Variants in PRDM1 observed in about 807,000 individuals in gnomAD.
PRDM1 encodes the protein PR domain zinc finger protein 1.
In PRDM1, 13 loss-of-function variants were observed where a neutral mutation model predicts 62.8. That is an observed-to-expected ratio of 0.21 (90% CI 0.13 to 0.33). PRDM1 has a LOEUF of 0.33. PRDM1 is among the 10% of genes least tolerant of loss of function. The pLI, the probability that PRDM1 is intolerant of heterozygous loss-of-function variation, is 1.00. For missense variants in PRDM1, 895 were observed against 1,058.8 expected (o/e 0.85, Z 2.15); for synonymous variants, 396 against 417.6 (o/e 0.95, Z 0.63).
intron 1 of PRDM1, among the ~76,000 whole-genome samples, chr6:106,006,329 C>T (rs1010092782): frequency 2.0e-5 from 3 of 152,174 alleles, no homozygotes; most frequent in Non-Finnish European, 4.4e-5. Flanking sequence ...ATAAACTTTA[C>T]TTTCGTAGTA....
chr6:106,090,419 T>C (rs1035003483), intron 2 of PRDM1, among the ~76,000 whole-genome samples: 2 of 152,236 alleles, frequency 1.3e-5, no homozygotes, highest in Non-Finnish European at 2.9e-5. Flanking sequence ...GAATAGAGGA[T>C]AGTATGTCTT....
chr6:106,035,857 A>G (rs181083957), intron 1 of PRDM1, among the ~76,000 whole-genome samples: 347 of 152,190 alleles, frequency 2.3e-3, no homozygotes, highest in African/African-American at 7.9e-3. Flanking sequence ...AGTTTAATCC[A>G]TTTACATTTA....
At chr6:106,094,914 C>A (rs200319610) in intron 2 of PRDM1, among the ~76,000 whole-genome samples, 1 of 51,136 alleles carries the variant, frequency 2.0e-5, no homozygotes, top group Non-Finnish European at 7.3e-5. Flanking sequence ...AAAACACACA[C>A]ACACACACAC....
chr6:106,067,396 C>A (rs146453944), intron 1 of PRDM1, among the ~76,000 whole-genome samples: 1 of 152,242 alleles, frequency 6.6e-6, no homozygotes, highest in East Asian at 1.9e-4. Flanking sequence ...CCCAGCAATT[C>A]TACTACTAGA....
At position 106,106,359 on chromosome 6, in the gene PRDM1, G is replaced by A. The variant is rs1245281125; in HGVS notation, c.1774-12G>A. On this transcript the variant is annotated splice_polypyrimidine_tract_variant and intron_variant, in intron 5 of 6. Coordinates refer to ENST00000369096, the MANE Select transcript of PRDM1 (RefSeq NM_001198.4). The surrounding 1 kb of genome is among the most constrained non-coding windows in gnomAD (Gnocchi z 4.4). ...CTTGAGAGCAGAGCTAACACATGTG[G>A]CTTCTTCCCAGGTCCACCTGAGAGT... 1.9e-6 allele frequency: 3 copies of A among 1,613,906 alleles called. No homozygotes were observed. Among genetic ancestry groups the A allele is most frequent in the South Asian group, 2.2e-5 (2 of 91,068 alleles).
chr6:106,026,025 G>C (rs1261043254), intron 1 of PRDM1, among the ~76,000 whole-genome samples: 1 of 152,128 alleles, frequency 6.6e-6, no homozygotes, highest in East Asian at 1.9e-4. Context: ...CATAAGAACT[G>C]TATTAACAGA....
At chr6:106,102,283 G>A (rs999020636) in intron 4 of PRDM1, among the ~76,000 whole-genome samples, 3 of 152,194 alleles carry the variant, frequency 2.0e-5, no homozygotes, top group South Asian at 2.1e-4. Flanking sequence ...AACTCAAGCT[G>A]TTGCTGAGTG....
rs774441917 is a variant in PRDM1, at chr6:106,106,454, G to A, written c.1857G>A (p.Gln619=). ...NKGFTQLAHL[Q]KHYLVHTGEK... ...GCTTTACTCAGCTCGCCCACCTGCA[G>A]AAACACTACCTGGTACACACGGGAG... The change falls in exon 6 of 7, where the codon CAG becomes CAA. Residue 619 remains glutamine (Q), a synonymous_variant. Coordinates refer to ENST00000369096, the MANE Select transcript of PRDM1 (RefSeq NM_001198.4). This position sits in a 1 kb window ranked among gnomAD's most constrained non-coding sequence, Gnocchi z 4.4. 1.9e-6 allele frequency: 3 copies of A among 1,614,156 alleles called. No homozygotes were observed. The highest frequency in any genetic ancestry group is 1.3e-5 in the African/African-American group (1 of 75,030).
At chr6:106,054,180 G>T (rs1040254385) in intron 1 of PRDM1, among the ~76,000 whole-genome samples, 1 of 151,960 alleles carries the variant, frequency 6.6e-6, no homozygotes, top group African/African-American at 2.4e-5. Context: ...TAGAAAACAA[G>T]ATCATCTCAA....
chr6:105,999,566 C>T (rs1213921204), intron 1 of PRDM1, among the ~76,000 whole-genome samples: 4 of 152,126 alleles, frequency 2.6e-5, no homozygotes, highest in African/African-American at 7.2e-5. Flanking sequence ...TAAGTCCTCT[C>T]AGACTCAAGT....
At position 106,106,274 on chromosome 6, in the gene PRDM1, C is replaced by CTT; in HGVS notation, c.1774-96_1774-95dup. ...TTTTTAAGACTGTCTTGATGCTTTT[C>CTT]TTAAGATATTTGCATCAACACTTGA... is the stretch of plus-strand genomic sequence containing the variant. On this transcript the variant is annotated intron_variant, in intron 5 of 6. Coordinates refer to ENST00000369096, the MANE Select transcript of PRDM1 (RefSeq NM_001198.4). The surrounding 1 kb of genome is among the most constrained non-coding windows in gnomAD (Gnocchi z 4.4). 6.7e-7 allele frequency: 1 copy of CTT among 1,491,178 alleles called. No individual in the cohort carries two copies. The highest frequency in any genetic ancestry group is 9.1e-7 in the Non-Finnish European group (1 of 1,097,356). 92.4% of individuals were successfully genotyped at this position (1,491,178 alleles called of 1,614,324 possible). A position where few individuals can be genotyped will look rare whatever the true frequency, so the allele number is the denominator to read the frequency against.
Position 105,994,761 on chromosome 6 carries a change from G to T in PRDM1, c.-67+1122G>T, listed in dbSNP as rs1219693468. On this transcript the variant is annotated intron_variant, in intron 1 of 6. Transcript: ENST00000652320. The surrounding 1 kb of genome is among the most constrained non-coding windows in gnomAD (Gnocchi z 4.1). ...TCAGTCCTGCCCGTAACTTCCTAAC[G>T]ACATCTTCTTGGAGCAGATTCCGCG... Among the ~76,000 whole-genome samples, 1 of 152,180 alleles carries T rather than the reference G, an allele frequency of 6.6e-6. No homozygotes were observed. Among genetic ancestry groups the T allele is most frequent in the Non-Finnish European group, 1.5e-5 (1 of 68,028 alleles).
At position 106,107,676 on chromosome 6, in the gene PRDM1, C is replaced by T; in HGVS notation, c.*190C>T. 1 of 102,366 alleles carries T rather than the reference C, an allele frequency of 9.8e-6. No individual in the cohort carries two copies. The highest frequency in any genetic ancestry group is 1.6e-5 in the Non-Finnish European group (1 of 61,494). The allele number at this position is 102,366 out of a possible 1,614,324, so 6.3% of individuals were successfully genotyped here. Reference sequence around the variant, plus strand: ...TCTCAGGGCATGAACAAGGCAAAGGCCATATATATATATATATATATATCT... The same window carrying T: ...TCTCAGGGCATGAACAAGGCAAAGGTCATATATATATATATATATATATCT... On this transcript the variant is annotated 3_prime_UTR_variant, in exon 7 of 7. Transcript: ENST00000369096.
intron 1 of PRDM1, among the ~76,000 whole-genome samples, chr6:106,005,655 A>T (rs1027219872): frequency 1.3e-5 from 2 of 152,238 alleles, no homozygotes; most frequent in African/African-American, 4.8e-5. Flanking sequence ...TCATTAAAAC[A>T]CTTAACCTAA....
chr6:106,063,489 G>A (rs1014026217), intron 1 of PRDM1, among the ~76,000 whole-genome samples: 6 of 152,132 alleles, frequency 3.9e-5, no homozygotes, highest in African/African-American at 1.4e-4. Context: ...TCCCTGCCCT[G>A]TGTGATACAT....
At chr6:105,998,921 ATATATATATATATT>A (rs1419728017) in intron 1 of PRDM1, among the ~76,000 whole-genome samples, 8 of 2,776 alleles carry the variant, frequency 2.9e-3, no homozygotes, top group South Asian at 0.022. Context: ...ATATATATAT[ATATATATATATATT>A]TTTTTTTTTT....
At chr6:105,998,006 A>G (rs1054819438) in intron 1 of PRDM1, among the ~76,000 whole-genome samples, 1 of 152,270 alleles carries the variant, frequency 6.6e-6, no homozygotes, top group African/African-American at 2.4e-5. Context: ...TTCTATTAGA[A>G]AACTGTGTAT....
rs750485966 is a variant in PRDM1 at position 106,105,242 on chromosome 6, C to A, written c.1082C>A (p.Ser361Tyr). The change falls in exon 5 of 7, where the codon TCC (serine) becomes TAC (tyrosine). Residue 361 changes from serine to tyrosine, a missense_variant. This residue lies in a region of PRDM1 where 444 missense variants were observed against 422.7 expected (regional missense o/e 1.05). Transcript: ENST00000369096. ...SPHSSPGNTV[S>Y]PVGPGSQEHR... The stretch of plus-strand genomic sequence containing the variant: ...CACAGCAGCCCTGGGAATACGGTGT[C>A]CCCTGTGGGCCCCGGCTCTCAAGAG... 1 of 1,613,768 alleles carries A rather than the reference C, an allele frequency of 6.2e-7. No homozygotes were observed. The highest frequency in any genetic ancestry group is 8.5e-7 in the Non-Finnish European group (1 of 1,179,992).
At chr6:106,064,140 A>G (rs1328001732) in intron 1 of PRDM1, among the ~76,000 whole-genome samples, 1 of 152,218 alleles carries the variant, frequency 6.6e-6, no homozygotes, top group African/African-American at 2.4e-5. Flanking sequence ...GTAGGATTAA[A>G]CAGTAGTTGT....
Sources: allele counts gnomAD v4.1 joint callset (sites outside exome capture counted in the v4.1 genomes callset), GRCh38; gene constraint gnomAD v4.1.1; regional missense constraint gnomAD v4.1.1; non-coding constraint Gnocchi (gnomAD v3.1); transcripts MANE v1.5; gene names NCBI Gene and HGNC (gene_info 2026-07-23, HGNC 2026-07-21).